Variants in FMN1 observed in about 807,000 individuals in gnomAD.
The protein encoded by FMN1 is formin 1, also known as formin-1.
In FMN1, 110 loss-of-function variants were observed where a neutral mutation model predicts 132.4. That is an observed-to-expected ratio of 0.83 (90% CI 0.71 to 0.97). The LOEUF (loss-of-function observed/expected upper bound fraction) is 0.97, where lower values mean the gene tolerates loss of function less well. FMN1 is among the 50% of genes least tolerant of loss of function. The pLI is 0.00. For synonymous variants in FMN1, 722 were observed against 651.7 expected, an observed-to-expected ratio of 1.11 and a Z score of -1.64; for missense variants, 1,792 against 1,705.3, an observed-to-expected ratio of 1.05 and a Z score of -0.90.
intron 15 of FMN1, among the ~76,000 whole-genome samples, chr15:32,895,351 A>G (rs560643577): frequency 3.3e-5 from 5 of 152,148 alleles, no homozygotes; most frequent in East Asian, 1.9e-4. Context: ...GGGAAACAAA[A>G]AGAGGAAGGA....
At chr15:32,891,323 T>A (rs1023404001) in intron 15 of FMN1, among the ~76,000 whole-genome samples, 1 of 152,138 alleles carries the variant, frequency 6.6e-6, no homozygotes, top group Non-Finnish European at 1.5e-5. Context: ...TGTTGGCTCA[T>A]TGCAGGCTCT....
chr15:33,083,371 CTTATG>C (rs2038562040), intron 5 of FMN1, among the ~76,000 whole-genome samples: 1 of 152,110 alleles, frequency 6.6e-6, no homozygotes, highest in South Asian at 2.1e-4. Flanking sequence ...TACACTTGAA[CTTATG>C]TTAATGAGGT....
intron 14 of FMN1, 121 bp downstream of exon 14, chr15:32,899,858 A>G (rs909266223): frequency 4.1e-6 from 4 of 979,794 alleles, no homozygotes; most frequent in Admixed American, 4.7e-5. Context: ...ATGCTCTAAT[A>G]TAAATGTTGT....
At chr15:33,099,097 T>C (rs537555047) in intron 4 of FMN1, among the ~76,000 whole-genome samples, 4 of 152,100 alleles carry the variant, frequency 2.6e-5, no homozygotes, top group Middle Eastern at 3.4e-3. Flanking sequence ...TGAAACCCCA[T>C]CTACAAAACT....
intron 9 of FMN1, among the ~76,000 whole-genome samples, chr15:32,935,414 C>G (rs959820399): frequency 1.3e-5 from 2 of 152,074 alleles, no homozygotes; most frequent in East Asian, 3.8e-4. Context: ...TAACTTTTGA[C>G]AGTTTGATTA....
intron 4 of FMN1, among the ~76,000 whole-genome samples, chr15:33,126,176 C>T (rs974999472): frequency 6.6e-6 from 1 of 152,066 alleles, no homozygotes; most frequent in Non-Finnish European, 1.5e-5. Context: ...AGCATACATC[C>T]TCATTAGAGA....
intron 9 of FMN1, among the ~76,000 whole-genome samples, chr15:32,932,056 A>G (rs2061133038): frequency 6.6e-6 from 1 of 152,152 alleles, no homozygotes; most frequent in Non-Finnish European, 1.5e-5. Context: ...CATTTGAGAG[A>G]TAATTGACAC....
intron 7 of FMN1, among the ~76,000 whole-genome samples, chr15:32,981,979 A>C (rs963770071): frequency 6.8e-6 from 1 of 148,124 alleles, no homozygotes; most frequent in Non-Finnish European, 1.5e-5. Context: ...TGGAAAACAA[A>C]TAACGGACAC....
chr15:33,085,530 G>A (rs1443219977), intron 5 of FMN1, among the ~76,000 whole-genome samples: 1 of 149,342 alleles, frequency 6.7e-6, no homozygotes, highest in African/African-American at 2.4e-5. Context: ...TATATCACAT[G>A]TATTTATACA....
At chr15:32,952,107 T>C (rs1356283015) in intron 9 of FMN1, among the ~76,000 whole-genome samples, 2 of 152,216 alleles carry the variant, frequency 1.3e-5, no homozygotes, top group African/African-American at 2.4e-5. Flanking sequence ...CATCCTTTCC[T>C]GCAGTGGCAA....
intron 3 of FMN1, among the ~76,000 whole-genome samples, chr15:33,164,739 A>C (rs1566962315): frequency 6.6e-6 from 1 of 152,226 alleles, no homozygotes; most frequent in African/African-American, 2.4e-5. Flanking sequence ...CATCATCTAC[A>C]GGAGATGTAT....
intron 15 of FMN1, 67 bp from the exon 16 acceptor site, chr15:32,888,359 G>A: frequency 1.4e-6 from 2 of 1,383,918 alleles, no homozygotes; most frequent in South Asian, 1.5e-5. Context: ...AAATTCCAAA[G>A]CATCAATGAG....
intron 4 of FMN1, among the ~76,000 whole-genome samples, chr15:33,121,949 C>A (rs1962600009): frequency 6.6e-6 from 1 of 152,172 alleles, no homozygotes; most frequent in Non-Finnish European, 1.5e-5. Flanking sequence ...CATTGTGTTA[C>A]CAATTAATTC....
chr15:33,138,158 G>C (rs1428600846), intron 4 of FMN1, among the ~76,000 whole-genome samples: 2 of 152,176 alleles, frequency 1.3e-5, no homozygotes, highest in African/African-American at 4.8e-5. Context: ...GACAACGAAA[G>C]TGATGAAGGC....
chr15:32,840,788 T>C (rs1004452205), intron 17 of FMN1, among the ~76,000 whole-genome samples: 1 of 152,082 alleles, frequency 6.6e-6, no homozygotes, highest in Non-Finnish European at 1.5e-5. Context: ...GTACAGAACA[T>C]TGAGTGGACT....
Position 32,994,180 on chromosome 15 carries a change from T to C in FMN1, c.2223+13834A>G, listed in dbSNP as rs374813013. Among the ~76,000 whole-genome samples the C allele has an allele frequency of 3.4e-5, 5 of 148,992 alleles. No homozygotes were observed. The East Asian group carries it at 6.0e-4, about 18-fold the overall frequency. The stretch of plus-strand genomic sequence containing the variant: ...AAGAGTTGAATATATCCGAGTATGT[T>C]ACATGCAATAAATTGTTGAATAGAA... On this transcript the variant is annotated intron_variant, in intron 7 of 20. Transcript: ENST00000616417.
chr15:33,043,416 C>A (rs1443087738), intron 6 of FMN1, among the ~76,000 whole-genome samples: 1 of 152,180 alleles, frequency 6.6e-6, no homozygotes, highest in African/African-American at 2.4e-5. Flanking sequence ...CCCAGTTGTT[C>A]CTGTGTCTCA....
chr15:32,841,365 A>C (rs1049183314), intron 17 of FMN1, among the ~76,000 whole-genome samples: 3 of 152,308 alleles, frequency 2.0e-5, no homozygotes, highest in South Asian at 2.1e-4. Flanking sequence ...AGATTGATCC[A>C]CCTGGAACAT....
chr15:33,099,798 A>C (rs2039225868), intron 4 of FMN1, among the ~76,000 whole-genome samples: 1 of 152,190 alleles, frequency 6.6e-6, no homozygotes, highest in African/African-American at 2.4e-5. Context: ...ACAAAAAGGA[A>C]TTTAAGTGGG....
Sources: allele counts gnomAD v4.1 joint callset (sites outside exome capture counted in the v4.1 genomes callset), GRCh38; gene constraint gnomAD v4.1.1; transcripts MANE v1.5; gene names NCBI Gene and HGNC (gene_info 2026-07-23, HGNC 2026-07-21).